JMJD1C: variants seen among roughly 807,000 people sequenced by gnomAD.
JMJD1C encodes the protein jumonji domain containing 1C, also known as jumonji domain-containing protein 1C.
In JMJD1C, 31 loss-of-function variants were observed where a neutral mutation model predicts 245.3. The observed-to-expected ratio is 0.13, with a 90% CI of 0.09 to 0.17. JMJD1C has a LOEUF of 0.17. Among genes scored for constraint, JMJD1C ranks in the 10% least tolerant of loss-of-function variants. The pLI is 1.00. For missense variants in JMJD1C, 2,691 were observed against 3,000.2 expected (o/e 0.90, Z 2.41); for synonymous variants, 1,057 against 1,017.4 (o/e 1.04, Z -0.74).
chr10:63,241,326 G>C (rs557262589), intron 3 of JMJD1C, among the ~76,000 whole-genome samples: 12 of 152,156 alleles, frequency 7.9e-5, no homozygotes, highest in African/African-American at 2.9e-4. Flanking sequence ...CATACATAGG[G>C]GAATATCTAT....
At chr10:63,304,851 A>C (rs1268149829) in intron 2 of JMJD1C, among the ~76,000 whole-genome samples, 2 of 152,198 alleles carry the variant, frequency 1.3e-5, no homozygotes, top group Non-Finnish European at 2.9e-5. Flanking sequence ...ATTGACTAGG[A>C]GGCCAGGCAC....
intron 3 of JMJD1C, chr10:63,222,274 C>A: frequency 1.1e-6 from 1 of 902,286 alleles, no homozygotes; most frequent in Non-Finnish European, 1.9e-6. Context: ...GGAGAGCTGT[C>A]GAGATTGGTG....
At chr10:63,270,424 C>A (rs1360075595) in intron 2 of JMJD1C, among the ~76,000 whole-genome samples, 1 of 151,842 alleles carries the variant, frequency 6.6e-6, no homozygotes, top group Non-Finnish European at 1.5e-5. Context: ...CCGCCTCGGC[C>A]TCCCAAAGTA....
intron 1 of JMJD1C, among the ~76,000 whole-genome samples, chr10:63,517,717 CTA>C (rs1242108823): frequency 6.6e-6 from 1 of 150,756 alleles, no homozygotes; most frequent in East Asian, 2.0e-4. Context: ...GCAGAAGGTA[CTA>C]TATTTCCTTT....
intron 1 of JMJD1C, among the ~76,000 whole-genome samples, chr10:63,452,233 A>G (rs1302447265): frequency 6.6e-6 from 1 of 152,238 alleles, no homozygotes; most frequent in Non-Finnish European, 1.5e-5. Flanking sequence ...AAGAACTCCT[A>G]TAACAAAGCA....
Position 63,224,829 on chromosome 10 carries a change from C to T in JMJD1C, c.448-4846G>A, listed in dbSNP as rs947949729. Among the ~76,000 whole-genome samples the T allele has an allele frequency of 3.3e-5, 5 of 152,014 alleles. No individual in the cohort carries two copies. In the South Asian group the frequency reaches 8.3e-4, roughly 25 times the overall value. On this transcript the variant is annotated intron_variant, in intron 3 of 25. Transcript: ENST00000399262. The stretch of plus-strand genomic sequence containing the variant: ...TTATAATCCCAGCACTTTGGGAGGC[C>T]GAGGTGGGTGGATCACGAGGTCAGG...
chr10:63,486,464 T>C (rs977130621), intron 1 of JMJD1C, among the ~76,000 whole-genome samples: 5 of 152,210 alleles, frequency 3.3e-5, no homozygotes, highest in Admixed American at 6.5e-5. Context: ...GAATAACTAA[T>C]CTACCTGTGG....
intron 12 of JMJD1C, 73 bp downstream of exon 12, chr10:63,198,440 T>G: frequency 1.0e-6 from 1 of 960,050 alleles, no homozygotes; most frequent in Non-Finnish European, 1.6e-6. Flanking sequence ...AGGGACTTCT[T>G]TCACAAACAT....
intron 1 of JMJD1C, among the ~76,000 whole-genome samples, chr10:63,430,608 T>A (rs1432778764): frequency 6.6e-6 from 1 of 152,198 alleles, no homozygotes; most frequent in East Asian, 1.9e-4. Flanking sequence ...GGAACACAAG[T>A]GACTGCTAAC....
At chr10:63,480,339 G>A (rs77039057) in intron 1 of JMJD1C, among the ~76,000 whole-genome samples, 1 of 122,746 alleles carries the variant, frequency 8.1e-6, no homozygotes, top group African/African-American at 3.2e-5. Flanking sequence ...TTTTTTTTTT[G>A]AGGCAGTCTC....
chr10:63,520,307 G>A (rs1955169224), intron 1 of JMJD1C, among the ~76,000 whole-genome samples: 1 of 152,026 alleles, frequency 6.6e-6, no homozygotes, highest in African/African-American at 2.4e-5. Context: ...GGGAAACTGA[G>A]GAACAAGAAG....
intron 2 of JMJD1C, among the ~76,000 whole-genome samples, chr10:63,343,596 TAC>T (rs796336505): frequency 1.3e-5 from 2 of 152,146 alleles, no homozygotes; most frequent in South Asian, 2.1e-4. Context: ...GAAACTAAAG[TAC>T]AGTCATATGC....
chr10:63,234,672 C>T (rs1446397724), intron 3 of JMJD1C, among the ~76,000 whole-genome samples: 1 of 150,528 alleles, frequency 6.6e-6, no homozygotes, highest in South Asian at 2.1e-4. Context: ...GTGGTTCACG[C>T]TTGTAATCCT....
chr10:63,420,113 G>A (rs1950035454), intron 1 of JMJD1C, among the ~76,000 whole-genome samples: 1 of 150,776 alleles, frequency 6.6e-6, no homozygotes, highest in Non-Finnish European at 1.5e-5. Context: ...TCCAGCCTGG[G>A]CAACAGAGGA....
intron 1 of JMJD1C, among the ~76,000 whole-genome samples, chr10:63,461,680 T>C (rs1952809567): frequency 6.6e-6 from 1 of 152,174 alleles, no homozygotes; most frequent in Admixed American, 6.5e-5. Flanking sequence ...TAATACACAG[T>C]ATGATTTTTT....
intron 17 of JMJD1C, 38 bp from the exon 18 acceptor site, chr10:63,189,484 TGA>T: frequency 1.3e-6 from 2 of 1,546,126 alleles, no homozygotes; most frequent in South Asian, 2.4e-5. Flanking sequence ...AACCTGTTTT[TGA>T]GAGAAATCAA....
At chr10:63,388,614 C>G (rs184925439) in intron 1 of JMJD1C, among the ~76,000 whole-genome samples, 1 of 152,124 alleles carries the variant, frequency 6.6e-6, no homozygotes. Context: ...CAGAAAACCA[C>G]CAAACCACAA....
chr10:63,275,013 T>C (rs1026821638), intron 2 of JMJD1C, among the ~76,000 whole-genome samples: 3 of 152,142 alleles, frequency 2.0e-5, no homozygotes, highest in Admixed American at 1.3e-4. Flanking sequence ...CTGGGCAACA[T>C]TGCAAGATGC....
At chr10:63,309,631 T>G (rs1415226011) in intron 2 of JMJD1C, among the ~76,000 whole-genome samples, 1 of 151,276 alleles carries the variant, frequency 6.6e-6, no homozygotes, top group Non-Finnish European at 1.5e-5. Flanking sequence ...AAAAATCAGG[T>G]AAACAGGCCG....
Sources: gnomAD v4.1 joint callset for allele counts (sites outside exome capture counted in the v4.1 genomes callset) on GRCh38, gnomAD v4.1.1 for gene constraint, MANE v1.5 for transcripts, NCBI Gene and HGNC (gene_info 2026-07-23, HGNC 2026-07-21) for gene names.